The following PELI1 variants were observed in gnomAD, a reference collection of about 807,000 sequenced individuals.
PELI1 encodes the protein E3 ubiquitin-protein ligase pellino homolog 1.
Under a neutral mutation model 41.3 loss-of-function variants are expected in PELI1, and 15 were observed. The ratio of observed to expected loss-of-function variants is 0.36; its 90% CI spans 0.24 to 0.56. The LOEUF (loss-of-function observed/expected upper bound fraction) is 0.56, where lower values mean the gene tolerates loss of function less well. PELI1 is among the 20% of genes least tolerant of loss of function. The pLI is 0.82. For synonymous variants in PELI1, 178 were observed against 180.1 expected, an observed-to-expected ratio of 0.99 and a Z score of 0.09; for missense variants, 403 against 525.5, an observed-to-expected ratio of 0.77 and a Z score of 2.28.
chr2:64,142,926 C>T (rs1340470678), intron 1 of PELI1, among the ~76,000 whole-genome samples: 1 of 152,030 alleles, frequency 6.6e-6, no homozygotes, highest in Non-Finnish European at 1.5e-5. Context: ...GCCTGTGAAC[C>T]GAAACAGATG....
rs1680105785 is a variant in PELI1 at position 64,093,016 on chromosome 2, A to T, written c.*1686T>A. 6.6e-6 allele frequency: 1 copy of T among 152,638 alleles called. No homozygotes were observed. Among genetic ancestry groups the T allele is most frequent in the Non-Finnish European group, 1.5e-5 (1 of 68,038 alleles). The allele number at this position is 152,638 out of a possible 1,614,324, so 9.5% of individuals were successfully genotyped here. On this transcript the variant is annotated 3_prime_UTR_variant, in exon 7 of 7. Transcript: ENST00000358912. ...GCATGTGACAATCTAGAAAACTTCAAAATCAATTACATTTCTTTGAAAAAG... is the reference window on the plus strand; with the variant it reads ...GCATGTGACAATCTAGAAAACTTCATAATCAATTACATTTCTTTGAAAAAG...
intron 1 of PELI1, among the ~76,000 whole-genome samples, chr2:64,129,750 C>T (rs896943485): frequency 1.3e-5 from 2 of 152,042 alleles, no homozygotes; most frequent in Non-Finnish European, 2.9e-5. Flanking sequence ...CTAAGACTTA[C>T]GTAAACACCA....
At chr2:64,116,990 G>A (rs1558480443) in intron 1 of PELI1, among the ~76,000 whole-genome samples, 1 of 152,072 alleles carries the variant, frequency 6.6e-6, no homozygotes, top group Non-Finnish European at 1.5e-5. Context: ...AACTGTTTGG[G>A]GGTGCCCTGA....
chr2:64,101,658 A>G (rs114303054), intron 3 of PELI1, among the ~76,000 whole-genome samples: 2,823 of 152,262 alleles, frequency 0.019, 42 homozygotes, highest in African/African-American at 0.034. Flanking sequence ...CTTGGTTTCA[A>G]TTTGCAACTA....
In PELI1 at chr2:64,138,164, T is replaced by C. The variant is rs539221317; in HGVS notation, c.-70+5917A>G. 1.3e-4 allele frequency among the ~76,000 whole-genome samples: 20 copies of C among 152,234 alleles called. No homozygotes were observed. The South Asian group carries it at 3.7e-3, about 28-fold the overall frequency. Reference sequence around the variant, plus strand: ...GCTGCTCAGACTGGTCTGGAACTCCTGGGCTCAAATGATCCTCCCACCTCA... The same window carrying C: ...GCTGCTCAGACTGGTCTGGAACTCCCGGGCTCAAATGATCCTCCCACCTCA... On this transcript the variant is annotated intron_variant, in intron 1 of 6. Transcript: ENST00000358912.
rs1038014919 is a variant in PELI1 at position 64,099,270 on chromosome 2, A to C, written c.303+1128T>G. 6.6e-5 allele frequency among the ~76,000 whole-genome samples: 10 copies of C among 151,318 alleles called. 1 individual carries two copies. The highest frequency in any genetic ancestry group is 1.7e-4 in the African/African-American group (7 of 40,764). ...ATGTTGCCCAGGCTGGCCTCAAGCT[A>C]TCCTCCCACCTCAGCCCCCTGAGTA... is the stretch of plus-strand genomic sequence containing the variant. On this transcript the variant is annotated intron_variant, in intron 4 of 6. Transcript: ENST00000358912.
In PELI1 at chr2:64,144,335, G is replaced by A. The variant is rs1456308275; in HGVS notation, c.-324C>T. The A allele has an allele frequency of 6.6e-6, 1 of 152,494 alleles. No individual in the cohort carries two copies. Among genetic ancestry groups the A allele is most frequent in the Non-Finnish European group, 1.5e-5 (1 of 68,306 alleles). The allele number at this position is 152,494 out of a possible 1,614,324, so 9.4% of individuals were successfully genotyped here. ...GGGGACCAATTCGACCGCACCGCGGGACTAGGGCTGCTGCCGCTGCTGCTA... is the reference window on the plus strand; with the variant it reads ...GGGGACCAATTCGACCGCACCGCGGAACTAGGGCTGCTGCCGCTGCTGCTA... On this transcript the variant is annotated 5_prime_UTR_variant, in exon 1 of 7. Coordinates refer to ENST00000358912, the MANE Select transcript of PELI1 (RefSeq NM_020651.4).
intron 1 of PELI1, among the ~76,000 whole-genome samples, chr2:64,122,647 G>A (rs1482473416): frequency 4.6e-5 from 7 of 152,000 alleles, no homozygotes; most frequent in Non-Finnish European, 8.8e-5. Context: ...CTTAGGTCAC[G>A]TTCCTCCATC....
chr2:64,109,336 T>C (rs918631500), intron 1 of PELI1, among the ~76,000 whole-genome samples: 15 of 152,198 alleles, frequency 9.9e-5, no homozygotes, highest in South Asian at 8.3e-4. Flanking sequence ...TATGAAAATA[T>C]CTAGTTTTAA....
chr2:64,132,503 T>C (rs1411705117), intron 1 of PELI1, among the ~76,000 whole-genome samples: 1 of 152,202 alleles, frequency 6.6e-6, no homozygotes, highest in Non-Finnish European at 1.5e-5. Flanking sequence ...GCAAAAGAGC[T>C]ACCAATTAGT....
In PELI1 at chr2:64,096,454, A is replaced by G; in HGVS notation, c.460T>C (p.Tyr154His). Residue 154 changes from tyrosine (Y) to histidine (H), a missense_variant, in exon 5 of 7, where the codon TAT becomes CAT. Physicochemically the swap from Tyr to His is moderately conservative, Grantham distance 83. Coordinates refer to ENST00000358912, the MANE Select transcript of PELI1 (RefSeq NM_020651.4). ...TTTGATGAGTCAAATCCTGCAGCAT[A>G]AATCCGTGCTGTAAAGGGAGGATTC... ...ERNPPFTARI[Y>H]AAGFDSSKNI... The G allele has an allele frequency of 2.5e-6, 4 of 1,613,778 alleles. No individual in the cohort carries two copies. The highest frequency in any genetic ancestry group is 3.4e-6 in the Non-Finnish European group (4 of 1,179,656).
intron 1 of PELI1, among the ~76,000 whole-genome samples, chr2:64,140,818 C>A (rs1281513994): frequency 9.3e-3 from 364 of 38,974 alleles, no homozygotes; most frequent in African/African-American, 0.023. Context: ...CAAAAAAAAA[C>A]CTAGGGGCAG....
Position 64,094,849 on chromosome 2 carries a change from C to T in PELI1, c.1110G>A (p.Val370=). ...AATAGGCAGTTGTCTTTTCTGAACA[C>T]ACATGCCCACACGGGCTAAACGCAT... ...PTHAFSPCGH[V]CSEKTTAYWS... is the part of the protein sequence containing the mutation. Residue 370 remains valine (V), a synonymous_variant, in exon 7 of 7, where the codon GTG becomes GTA. Coordinates refer to ENST00000358912, the MANE Select transcript of PELI1 (RefSeq NM_020651.4). The T allele has an allele frequency of 6.2e-7, 1 of 1,614,190 alleles. No homozygotes were observed. The highest frequency in any genetic ancestry group is 8.5e-7 in the Non-Finnish European group (1 of 1,180,040).
chr2:64,124,740 A>G (rs1681332170), intron 1 of PELI1, among the ~76,000 whole-genome samples: 1 of 152,108 alleles, frequency 6.6e-6, no homozygotes, highest in African/African-American at 2.4e-5. Context: ...GTTCTCTCTG[A>G]CATCAACCAC....
intron 1 of PELI1, among the ~76,000 whole-genome samples, chr2:64,126,462 G>A (rs185645649): frequency 1.3e-5 from 2 of 152,094 alleles, no homozygotes; most frequent in Non-Finnish European, 2.9e-5. Flanking sequence ...GTGCCCAGCG[G>A]GTCTCCCTAC....
chr2:64,106,110 T>C (rs991872368), intron 2 of PELI1: 16 of 152,374 alleles, frequency 1.1e-4, no homozygotes, highest in African/African-American at 3.6e-4. Context: ...CTAATAATTA[T>C]TTTAGCTATT....
At position 64,100,459 on chromosome 2, in the gene PELI1, A is replaced by G; in HGVS notation, c.242T>C (p.Leu81Ser). The G allele has an allele frequency of 6.3e-7, 1 of 1,588,494 alleles. No individual in the cohort carries two copies. Among genetic ancestry groups the G allele is most frequent in the Non-Finnish European group, 8.6e-7 (1 of 1,156,838 alleles). The part of the protein sequence containing the change: ...NKDQHSISYT[L>S]SRAQTVVVEY... ...AACCACCACAGTCTGGGCCCGAGAT[A>G]AAGTATATGATATGCTATGCTGGTC... Residue 81 changes from leucine to serine, a missense_variant, in exon 4 of 7, where the codon TTA becomes TCA. Leu to Ser is a moderately radical substitution (Grantham distance 145). Coordinates refer to ENST00000358912, the MANE Select transcript of PELI1 (RefSeq NM_020651.4).
intron 1 of PELI1, among the ~76,000 whole-genome samples, chr2:64,132,719 C>G (rs1681594794): frequency 1.3e-5 from 2 of 152,158 alleles, no homozygotes; most frequent in South Asian, 4.1e-4. Flanking sequence ...TACGAAAGAG[C>G]TGGAGAAAAA....
intron 1 of PELI1, among the ~76,000 whole-genome samples, chr2:64,131,965 T>C (rs759140223): frequency 6.6e-6 from 1 of 152,134 alleles, no homozygotes; most frequent in Non-Finnish European, 1.5e-5. Context: ...AGAACAGATA[T>C]GGAAAGAAAA....
Sources: gnomAD v4.1 joint callset for allele counts (sites outside exome capture counted in the v4.1 genomes callset) on GRCh38, gnomAD v4.1.1 for gene constraint, MANE v1.5 for transcripts, NCBI Gene and HGNC (gene_info 2026-07-23, HGNC 2026-07-21) for gene names.